LNX1: variants seen among roughly 807,000 people sequenced by gnomAD.
LNX1 encodes ligand of numb-protein X 1.
LNX1 carries 54 observed loss-of-function variants against 68.4 expected under a neutral mutation model. The observed-to-expected ratio is 0.79, with a 90% CI of 0.63 to 0.99. The LOEUF is 0.99. Ranked by LOEUF, LNX1 falls within the 50% of genes least tolerant of loss-of-function variation. LNX1 has a pLI of 0.00. For missense variants in LNX1, 906 were observed against 926.4 expected (o/e 0.98, Z 0.29); for synonymous variants, 336 against 350.0 (o/e 0.96, Z 0.45).
At position 53,575,407 on chromosome 4, in the gene LNX1, A is replaced by T. The variant is rs1209422583; in HGVS notation, c.-86-1319T>A. ...GCATCTAGGAAGTCTCTTGCGTAGA[A>T]AGTCAATAAATAGTTTTCAAGCGCC... On this transcript the variant is annotated intron_variant, in intron 1 of 10. Transcript: ENST00000263925. 6.0e-6 allele frequency: 4 copies of T among 669,672 alleles called. No homozygotes were observed. The African/African-American group carries it at 7.9e-5, about 13-fold the overall frequency. 41.5% of individuals were successfully genotyped at this position (669,672 alleles called of 1,614,324 possible). A position where few individuals can be genotyped will look rare whatever the true frequency, so the allele number is the denominator to read the frequency against.
At chr4:53,499,749 C>T (rs1725345128) in intron 4 of LNX1, among the ~76,000 whole-genome samples, 1 of 152,204 alleles carries the variant, frequency 6.6e-6, no homozygotes, top group Non-Finnish European at 1.5e-5. Flanking sequence ...TCAGTTCTTT[C>T]TACCAGACAT....
In LNX1 at chr4:53,558,197, T is replaced by C. The variant is rs1471208750; in HGVS notation, c.380+15426A>G. 8 of 1,312,868 alleles carry C rather than the reference T, an allele frequency of 6.1e-6. No homozygotes were observed. The African/African-American group carries it at 9.0e-5, about 15-fold the overall frequency. 81.3% of individuals were successfully genotyped at this position (1,312,868 alleles called of 1,614,324 possible). On this transcript the variant is annotated intron_variant, in intron 2 of 10. Transcript: ENST00000263925. ...GTAGGAACGCAAGGAGCCACCACGG[T>C]TGGCGAGAGAGCTTAGGCTGAGAGC...
upstream of LNX1, chr4:53,591,606 AGG>A: frequency 1.0e-6 from 1 of 985,112 alleles, no homozygotes; most frequent in Non-Finnish European, 1.2e-6. Flanking sequence ...CTGAGACCTT[AGG>A]GATTGAAAGA....
At chr4:53,471,104 C>T (rs1351500368) in intron 9 of LNX1, among the ~76,000 whole-genome samples, 1 of 127,516 alleles carries the variant, frequency 7.8e-6, no homozygotes, top group Non-Finnish European at 1.7e-5. Flanking sequence ...TACAAGGCTA[C>T]AGTAACCAAA....
chr4:53,624,771 A>C (rs759176935), intron 1 of LNX1, among the ~76,000 whole-genome samples: 3 of 152,156 alleles, frequency 2.0e-5, no homozygotes, highest in Non-Finnish European at 4.4e-5. Flanking sequence ...CTCCTGGAGC[A>C]CTGCACGTGC....
rs764153655 is a variant in LNX1, at chr4:53,496,281, C to G, written c.1092G>C (p.Arg364Ser). The change falls in exon 6 of 11, where the codon AGG (arginine) becomes AGC (serine). Residue 364 changes from arginine (R) to serine (S), a missense_variant. Physicochemically the swap from Arg to Ser is moderately radical, Grantham distance 110. Coordinates refer to ENST00000263925, the MANE Select transcript of LNX1 (RefSeq NM_001126328.3). Reference protein sequence around the residue: ...TVMREQKFRSRNNGQAPDAYR... With the variant: ...TVMREQKFRSSNNGQAPDAYR... ...AGGCATCCGGGGCCTGTCCATTGTTCCTGCTGCGGAACTTCTGTTCACGCA... is the reference window on the plus strand; with the variant it reads ...AGGCATCCGGGGCCTGTCCATTGTTGCTGCTGCGGAACTTCTGTTCACGCA... 6.2e-7 allele frequency: 1 copy of G among 1,614,044 alleles called. No individual in the cohort carries two copies. Among genetic ancestry groups the G allele is most frequent in the African/African-American group, 1.3e-5 (1 of 74,926 alleles).
At chr4:53,577,975 T>G (rs1001756705) in intron 1 of LNX1, among the ~76,000 whole-genome samples, 5 of 152,186 alleles carry the variant, frequency 3.3e-5, no homozygotes, top group African/African-American at 1.2e-4. Flanking sequence ...GCTAGGGGCC[T>G]TATATTATAG....
chr4:53,625,126 G>GA (rs1398375486), intron 1 of LNX1, among the ~76,000 whole-genome samples: 3 of 152,050 alleles, frequency 2.0e-5, no homozygotes, highest in African/African-American at 7.3e-5. Context: ...TGAAACTCTT[G>GA]GGAAAAAACA....
At chr4:53,539,610 T>C (rs1473984484) in intron 2 of LNX1, among the ~76,000 whole-genome samples, 3 of 152,260 alleles carry the variant, frequency 2.0e-5, no homozygotes, top group Non-Finnish European at 1.5e-5. Flanking sequence ...TTGAAATTTC[T>C]CTAGTATAAT....
intron 2 of LNX1, among the ~76,000 whole-genome samples, chr4:53,596,802 G>A (rs1054161296): frequency 1.3e-5 from 2 of 152,064 alleles, no homozygotes; most frequent in African/African-American, 4.8e-5. Context: ...TAATGACAAT[G>A]ACATTCCCCT....
At chr4:53,591,668 T>C (rs1287266867), upstream of LNX1, 5 of 764,272 alleles carry the variant, frequency 6.5e-6, no homozygotes, top group Non-Finnish European at 8.0e-6. Context: ...TGCAAGCAGG[T>C]AGGTGGCGTC....
intron 9 of LNX1, among the ~76,000 whole-genome samples, chr4:53,464,551 CT>C (rs1174839806): frequency 1.3e-5 from 2 of 151,972 alleles, no homozygotes; most frequent in South Asian, 2.1e-4. Flanking sequence ...CTGTGTTCAA[CT>C]TTTTTTTAAA....
chr4:53,590,171 GCAA>G (rs1486755627), intron 1 of LNX1, among the ~76,000 whole-genome samples: 1 of 152,228 alleles, frequency 6.6e-6, no homozygotes, highest in Non-Finnish European at 1.5e-5. Context: ...ACAGAAATTA[GCAA>G]CAAGAACTGG....
intron 1 of LNX1, among the ~76,000 whole-genome samples, chr4:53,640,814 T>C (rs1171198377): frequency 6.6e-6 from 1 of 152,234 alleles, no homozygotes; most frequent in Non-Finnish European, 1.5e-5. Context: ...TTTCACAAAA[T>C]TGTGCATTGA....
At chr4:53,529,959 A>G (rs1727905612) in intron 2 of LNX1, among the ~76,000 whole-genome samples, 1 of 151,838 alleles carries the variant, frequency 6.6e-6, no homozygotes, top group South Asian at 2.1e-4. Flanking sequence ...ACTAGAAAAA[A>G]TGTAGGCGAA....
At chr4:53,491,188 T>C (rs1579399934) in intron 6 of LNX1, among the ~76,000 whole-genome samples, 1 of 152,034 alleles carries the variant, frequency 6.6e-6, no homozygotes, top group African/African-American at 2.4e-5. Flanking sequence ...GGATGTGAGT[T>C]GCACCGATTG....
chr4:53,605,060 G>C (rs1197624451), intron 2 of LNX1, among the ~76,000 whole-genome samples: 2 of 152,070 alleles, frequency 1.3e-5, no homozygotes, highest in Non-Finnish European at 2.9e-5. Context: ...GCTCAGTTAA[G>C]GGCTATGCCT....
chr4:53,602,193 C>A (rs535357730), intron 2 of LNX1, among the ~76,000 whole-genome samples: 1 of 152,228 alleles, frequency 6.6e-6, no homozygotes, highest in South Asian at 2.1e-4. Context: ...GGGATGGATC[C>A]AAATCTGTGA....
At chr4:53,597,918 C>T (rs1732826607) in intron 2 of LNX1, among the ~76,000 whole-genome samples, 1 of 152,156 alleles carries the variant, frequency 6.6e-6, no homozygotes, top group South Asian at 2.1e-4. Context: ...GGTTATTTCT[C>T]ACATTTGTTG....
Sources: allele counts gnomAD v4.1 joint callset (sites outside exome capture counted in the v4.1 genomes callset), GRCh38; gene constraint gnomAD v4.1.1; transcripts MANE v1.5; gene names NCBI Gene and HGNC (gene_info 2026-07-23, HGNC 2026-07-21).